PPP1R13B: variants seen among roughly 807,000 people sequenced by gnomAD.
PPP1R13B encodes the protein protein phosphatase 1 regulatory subunit 13B.
Under a neutral mutation model 119.8 loss-of-function variants are expected in PPP1R13B, and 44 were observed. The ratio of observed to expected loss-of-function variants is 0.37; its 90% CI spans 0.29 to 0.47. The LOEUF (loss-of-function observed/expected upper bound fraction) is 0.47. Ranked by LOEUF, PPP1R13B falls within the 20% of genes least tolerant of loss-of-function variation. PPP1R13B has a pLI of 0.99. For synonymous variants in PPP1R13B, 542 were observed against 561.5 expected, an observed-to-expected ratio of 0.97 and a Z score of 0.49; for missense variants, 1,227 against 1,413.5, an observed-to-expected ratio of 0.87 and a Z score of 2.12.
Position 103,741,809 on chromosome 14 carries a change from T to C in PPP1R13B, c.1803A>G (p.Leu601=). ...CTCTACCTGCTTTAACTGACTTATT[T>C]AAGGCGCTGTGTGCTGCCGGCTGGT... ...KNYQPAAHSA[L]NKSVKAVYGK... Residue 601 remains leucine, a synonymous_variant, in exon 11 of 17, where the codon TTA becomes TTG. Transcript: ENST00000202556. 6.2e-7 allele frequency: 1 copy of C among 1,614,098 alleles called. No individual in the cohort carries two copies. The highest frequency in any genetic ancestry group is 8.5e-7 in the Non-Finnish European group (1 of 1,179,936).
chr14:103,785,615 G>C (rs1313830771), intron 2 of PPP1R13B, among the ~76,000 whole-genome samples: 1 of 151,020 alleles, frequency 6.6e-6, no homozygotes, highest in East Asian at 1.9e-4. Flanking sequence ...GGGTTCGAGA[G>C]ATTCTCCTGC....
intron 4 of PPP1R13B, chr14:103,762,760 C>T: frequency 1.4e-6 from 1 of 695,950 alleles, no homozygotes; most frequent in Non-Finnish European, 2.7e-6. Context: ...GGAGGCGCTG[C>T]TGCTGTGGGG....
intron 1 of PPP1R13B, among the ~76,000 whole-genome samples, chr14:103,824,195 G>T (rs1390637105): frequency 6.6e-6 from 1 of 150,620 alleles, no homozygotes. Context: ...ACAGGTGCGT[G>T]CAACCACGCC....
chr14:103,742,149 G>A lies in PPP1R13B; in HGVS notation c.1463C>T (p.Pro488Leu), dbSNP rs1567085510. 6 of 1,611,180 alleles carry A rather than the reference G, an allele frequency of 3.7e-6. No homozygotes were observed. The highest frequency in any genetic ancestry group is 1.3e-5 in the African/African-American group (1 of 74,902). The change falls in exon 11 of 17, where the codon CCC (proline) becomes CTC (leucine). Residue 488 changes from proline to leucine, a missense_variant. Coordinates refer to ENST00000202556, the MANE Select transcript of PPP1R13B (RefSeq NM_015316.3). The surrounding 1 kb of genome is among the most constrained non-coding windows in gnomAD (Gnocchi z 4.9). ...SLERRKEGSL[P>L]RPSAGLPSRQ... is the part of the protein sequence containing the mutation. ...ACTTGGCAGGCCTGCACTGGGCCTG[G>A]GCAAGCTGCCTTCCTTCCTCCTTTC...
chr14:103,738,853 A>C lies in PPP1R13B; in HGVS notation c.2730+33T>G. The C allele has an allele frequency of 6.2e-7, 1 of 1,613,436 alleles. No individual in the cohort carries two copies. Among genetic ancestry groups the C allele is most frequent in the Non-Finnish European group, 8.5e-7 (1 of 1,179,496 alleles). On this transcript the variant is annotated intron_variant, in intron 13 of 16. Transcript: ENST00000202556. This position sits in a 1 kb window ranked among gnomAD's most constrained non-coding sequence, Gnocchi z 5.6. Reference sequence around the variant, plus strand: ...TGTGAGCGCCCATCCCCTCGCCCCCAGCAGCGTGCACTGGTCCCCGGCTGC... The same window carrying C: ...TGTGAGCGCCCATCCCCTCGCCCCCCGCAGCGTGCACTGGTCCCCGGCTGC...
chr14:103,837,897 T>A (rs2086814151), intron 1 of PPP1R13B, among the ~76,000 whole-genome samples: 1 of 152,110 alleles, frequency 6.6e-6, no homozygotes, highest in Non-Finnish European at 1.5e-5. Context: ...GGCAGACAGA[T>A]CACCTGAGGT....
At chr14:103,810,304 C>A (rs2086120470) in intron 1 of PPP1R13B, among the ~76,000 whole-genome samples, 2 of 152,014 alleles carry the variant, frequency 1.3e-5, no homozygotes, top group Admixed American at 6.6e-5. Context: ...TGCCTATAAT[C>A]CCGGCTACTC....
chr14:103,752,639 A>G (rs1246203658), intron 7 of PPP1R13B, among the ~76,000 whole-genome samples: 2 of 145,304 alleles, frequency 1.4e-5, no homozygotes, highest in African/African-American at 2.6e-5. Flanking sequence ...GGTTCAAGTG[A>G]TTCTTCTGCC....
chr14:103,755,072 G>A (rs1438476052), intron 5 of PPP1R13B, among the ~76,000 whole-genome samples: 3 of 144,998 alleles, frequency 2.1e-5, no homozygotes, highest in Non-Finnish European at 3.0e-5. Context: ...GTGAGCCACC[G>A]CGCCCGGTGA....
In PPP1R13B at chr14:103,823,583, A is replaced by T. The variant is rs903685123; in HGVS notation, c.9+23716T>A. On this transcript the variant is annotated intron_variant, in intron 1 of 16. Transcript: ENST00000202556. ...TGTCACCAAGATCTTATACCTGGGG[A>T]ATCAAATGACCTTGGAAATTCTAAA... 6.6e-5 allele frequency among the ~76,000 whole-genome samples: 10 copies of T among 152,238 alleles called. 1 individual carries two copies. The highest frequency in any genetic ancestry group is 6.5e-4 in the Admixed American group (10 of 15,278).
At chr14:103,770,624 T>A (rs771078013) in intron 4 of PPP1R13B, among the ~76,000 whole-genome samples, 1 of 152,002 alleles carries the variant, frequency 6.6e-6, no homozygotes, top group African/African-American at 2.4e-5. Context: ...AAATGGGCTA[T>A]CAAAGTGCAC....
chr14:103,735,473 C>T (rs1201981376), intron 16 of PPP1R13B, among the ~76,000 whole-genome samples: 5 of 152,142 alleles, frequency 3.3e-5, no homozygotes, highest in Non-Finnish European at 7.3e-5. Context: ...CTCCCCTGGG[C>T]AAGGGTCTCT....
chr14:103,829,418 TA>T (rs1280038842), intron 1 of PPP1R13B, among the ~76,000 whole-genome samples: 7 of 152,134 alleles, frequency 4.6e-5, no homozygotes, highest in African/African-American at 1.7e-4. Flanking sequence ...TTAATGTTTT[TA>T]AAAAAAATTT....
intron 4 of PPP1R13B, chr14:103,763,004 T>C: frequency 1.4e-6 from 2 of 1,447,686 alleles, no homozygotes. Flanking sequence ...ACGGCAAAAT[T>C]CTTCAAGGTT....
rs373125008 is a variant in PPP1R13B at position 103,735,787 on chromosome 14, C to T, written c.3231+216G>A. 3.0e-4 allele frequency among the ~76,000 whole-genome samples: 46 copies of T among 152,320 alleles called. 1 individual carries two copies. The highest frequency in any genetic ancestry group is 1.1e-3 in the African/African-American group (44 of 41,566). ...CTCACTGGGGCACTCAGCCTCCGCA[C>T]GGGCCTCCATGGCATAAGCATGGCT... On this transcript the variant is annotated intron_variant, in intron 16 of 16. Transcript: ENST00000202556.
chr14:103,735,852 C>T, intron 16 of PPP1R13B, 151 bp downstream of exon 16: 5 of 847,296 alleles, frequency 5.9e-6, no homozygotes, highest in Non-Finnish European at 7.4e-6. Context: ...CTCATGCCAG[C>T]TCTGCCAAGT....
intron 1 of PPP1R13B, among the ~76,000 whole-genome samples, chr14:103,818,691 G>A (rs2086334611): frequency 6.6e-6 from 1 of 152,108 alleles, no homozygotes; most frequent in East Asian, 1.9e-4. Flanking sequence ...TTGCCATGCT[G>A]ACTCAACTAA....
In PPP1R13B at chr14:103,804,121, A is replaced by G. The variant is rs1030795622; in HGVS notation, c.10-6603T>C. 18 of 879,604 alleles carry G rather than the reference A, an allele frequency of 2.0e-5. 1 individual carries two copies. The South Asian group carries it at 7.3e-4, about 36-fold the overall frequency. 54.5% of individuals were successfully genotyped at this position (879,604 alleles called of 1,614,324 possible). A position where few individuals can be genotyped will look rare whatever the true frequency, so the allele number is the denominator to read the frequency against. The stretch of plus-strand genomic sequence containing the variant: ...TTTTCATTCAAAAAAGTTGGAAAAT[A>G]TCATACTAGACCATAAGGACAATAC... On this transcript the variant is annotated intron_variant, in intron 1 of 16. Transcript: ENST00000202556.
chr14:103,806,019 A>G (rs905231235), intron 1 of PPP1R13B, among the ~76,000 whole-genome samples: 2 of 152,250 alleles, frequency 1.3e-5, no homozygotes, highest in African/African-American at 4.8e-5. Flanking sequence ...ACTTTACGGC[A>G]CATAAATTAT....
Sources: allele counts gnomAD v4.1 joint callset (sites outside exome capture counted in the v4.1 genomes callset), GRCh38; gene constraint gnomAD v4.1.1; non-coding constraint Gnocchi (gnomAD v3.1); transcripts MANE v1.5; gene names NCBI Gene and HGNC (gene_info 2026-07-23, HGNC 2026-07-21).